Variants in ASIC2 observed in about 807,000 individuals in gnomAD.
ASIC2 encodes acid-sensing ion channel 2.
A neutral mutation model predicts 57.3 loss-of-function variants in ASIC2; 25 were observed. The observed-to-expected ratio is 0.44, with a 90% confidence interval of 0.32 to 0.61. ASIC2 has a LOEUF of 0.61. Ranked by LOEUF, ASIC2 falls within the 20% of genes least tolerant of loss-of-function variation. The pLI, the probability that ASIC2 is intolerant of heterozygous loss-of-function variation, is 0.06. For synonymous variants in ASIC2, 319 were observed against 307.5 expected, an observed-to-expected ratio of 1.04 and a Z score of -0.39; for missense variants, 641 against 738.1, an observed-to-expected ratio of 0.87 and a Z score of 1.52.
At chr17:33,670,096 G>A (rs1300844665) in intron 1 of ASIC2, among the ~76,000 whole-genome samples, 1 of 152,132 alleles carries the variant, frequency 6.6e-6, no homozygotes, top group Non-Finnish European at 1.5e-5. Flanking sequence ...CCCCACCCTG[G>A]CACAGAGCAC....
chr17:33,769,449 T>A (rs924777289), intron 1 of ASIC2, among the ~76,000 whole-genome samples: 1 of 152,042 alleles, frequency 6.6e-6, no homozygotes, highest in African/African-American at 2.4e-5. Context: ...CTGCTGGAAG[T>A]CCAGCAAAGG....
At chr17:33,701,533 A>G (rs1345350332) in intron 1 of ASIC2, among the ~76,000 whole-genome samples, 2 of 152,174 alleles carry the variant, frequency 1.3e-5, no homozygotes, top group Non-Finnish European at 2.9e-5. Flanking sequence ...GTCTGAGTCT[A>G]TCTCCAGCAA....
chr17:33,948,493 C>T (rs140570334), intron 1 of ASIC2, among the ~76,000 whole-genome samples: 1 of 152,314 alleles, frequency 6.6e-6, no homozygotes, highest in Non-Finnish European at 1.5e-5. Flanking sequence ...AAGGCTTCTG[C>T]CCTGGGATGC....
chr17:33,967,474 A>G (rs1441300085), intron 1 of ASIC2, among the ~76,000 whole-genome samples: 4 of 152,110 alleles, frequency 2.6e-5, no homozygotes, highest in Non-Finnish European at 5.9e-5. Context: ...AACTCAAGCA[A>G]TCCACCCCCC....
At chr17:33,464,664 T>TCC (rs1173216958) in intron 1 of ASIC2, among the ~76,000 whole-genome samples, 7 of 60,670 alleles carry the variant, frequency 1.2e-4, no homozygotes, top group South Asian at 7.1e-4. Flanking sequence ...TCCTTCTCTC[T>TCC]CTCTCCCTCT....
chr17:33,543,679 G>A (rs996079614), intron 1 of ASIC2, among the ~76,000 whole-genome samples: 25 of 152,110 alleles, frequency 1.6e-4, no homozygotes, highest in Admixed American at 3.3e-4. Context: ...AGTACTTTAC[G>A]TACATTACCT....
intron 1 of ASIC2, among the ~76,000 whole-genome samples, chr17:33,206,506 G>A (rs1252281035): frequency 6.6e-6 from 1 of 152,184 alleles, no homozygotes; most frequent in Non-Finnish European, 1.5e-5. Context: ...CCAAAGCCAT[G>A]CCCAAGAAGG....
chr17:33,807,091 C>A (rs1260580624), intron 1 of ASIC2, among the ~76,000 whole-genome samples: 1 of 152,166 alleles, frequency 6.6e-6, no homozygotes, highest in East Asian at 1.9e-4. Flanking sequence ...ACAGCATCTT[C>A]CCCTACACTC....
At chr17:33,412,517 A>G (rs1910698549) in intron 1 of ASIC2, among the ~76,000 whole-genome samples, 1 of 152,236 alleles carries the variant, frequency 6.6e-6, no homozygotes, top group African/African-American at 2.4e-5. Context: ...GGCTCAGAGA[A>G]GTCAAATAAT....
intron 1 of ASIC2, among the ~76,000 whole-genome samples, chr17:33,197,574 A>G (rs919263089): frequency 6.6e-6 from 1 of 152,164 alleles, no homozygotes; most frequent in African/African-American, 2.4e-5. Context: ...TATCCTCTCT[A>G]GGGTGGACCT....
intron 1 of ASIC2, among the ~76,000 whole-genome samples, chr17:33,659,891 TAA>T (rs1907199426): frequency 7.0e-6 from 1 of 143,690 alleles, no homozygotes; most frequent in African/African-American, 2.6e-5. Context: ...AATAAATAAA[TAA>T]ATAAATAAAT....
chr17:33,145,100 T>C (rs547413447), intron 1 of ASIC2, among the ~76,000 whole-genome samples: 4 of 152,240 alleles, frequency 2.6e-5, no homozygotes, highest in Non-Finnish European at 5.9e-5. Flanking sequence ...ATACATAGTC[T>C]CTCAGCTTCA....
At chr17:33,157,748 T>C (rs1460628819) in intron 1 of ASIC2, among the ~76,000 whole-genome samples, 2 of 152,190 alleles carry the variant, frequency 1.3e-5, no homozygotes, top group Non-Finnish European at 2.9e-5. Context: ...CACTTACCCA[T>C]GTTGTGTACT....
At chr17:33,713,763 A>G (rs759064959) in intron 1 of ASIC2, among the ~76,000 whole-genome samples, 14 of 152,256 alleles carry the variant, frequency 9.2e-5, no homozygotes, top group Non-Finnish European at 1.9e-4. Flanking sequence ...TCCTAACCCA[A>G]TGCTGATCCA....
intron 1 of ASIC2, among the ~76,000 whole-genome samples, chr17:33,168,197 G>A (rs1905375894): frequency 6.6e-6 from 1 of 152,230 alleles, no homozygotes; most frequent in African/African-American, 2.4e-5. Flanking sequence ...AGAACTGGGA[G>A]CGAAATAAAC....
At chr17:33,577,680 ACCAGT>A (rs1916673466) in intron 1 of ASIC2, among the ~76,000 whole-genome samples, 1 of 152,098 alleles carries the variant, frequency 6.6e-6, no homozygotes, top group African/African-American at 2.4e-5. Flanking sequence ...ACCTATTTTT[ACCAGT>A]CCCCTCATTC....
chr17:33,363,171 T>A (rs1385285656), intron 1 of ASIC2, among the ~76,000 whole-genome samples: 1 of 152,126 alleles, frequency 6.6e-6, no homozygotes, highest in East Asian at 1.9e-4. Flanking sequence ...AGTAAACTTT[T>A]ACATTTCAAA....
intron 1 of ASIC2, among the ~76,000 whole-genome samples, chr17:33,433,663 T>C (rs1377422744): frequency 6.6e-6 from 1 of 152,052 alleles, no homozygotes; most frequent in Non-Finnish European, 1.5e-5. Flanking sequence ...GACAGGAGAA[T>C]CGCTTGAACT....
chr17:33,465,377 T>TC (rs945856497), intron 1 of ASIC2, among the ~76,000 whole-genome samples: 5 of 146,628 alleles, frequency 3.4e-5, no homozygotes, highest in Admixed American at 6.8e-5. Context: ...TTTTTCTTTT[T>TC]TTTTTTTTTT....
Sources: gnomAD v4.1 joint callset for allele counts (sites outside exome capture counted in the v4.1 genomes callset) on GRCh38, gnomAD v4.1.1 for gene constraint, MANE v1.5 for transcripts, NCBI Gene and HGNC (gene_info 2026-07-23, HGNC 2026-07-21) for gene names.